The following ERGIC1 variants were observed in gnomAD, a reference collection of about 807,000 sequenced individuals.
ERGIC1 encodes endoplasmic reticulum-golgi intermediate compartment 1.
ERGIC1 carries 19 observed loss-of-function variants against 38.3 expected under a neutral mutation model. That is an observed-to-expected ratio of 0.50 (90% CI 0.35 to 0.73). The LOEUF (loss-of-function observed/expected upper bound fraction) is 0.73, where lower values mean the gene tolerates loss of function less well. ERGIC1 is among the 30% of genes least tolerant of loss of function. The pLI, the probability that ERGIC1 is intolerant of heterozygous loss-of-function variation, is 0.01. For synonymous variants in ERGIC1, 124 were observed against 157.6 expected, an observed-to-expected ratio of 0.79 and a Z score of 1.60; for missense variants, 294 against 389.2, an observed-to-expected ratio of 0.76 and a Z score of 2.06.
At chr5:172,919,426 C>T (rs919724762) in intron 5 of ERGIC1, among the ~76,000 whole-genome samples, 4 of 152,218 alleles carry the variant, frequency 2.6e-5, no homozygotes, top group Admixed American at 2.6e-4. Context: ...TGACAACCCA[C>T]GAGACAGCCC....
rs576670458 is a variant in ERGIC1, at chr5:172,858,789, G to A, written c.20+24356G>A. On this transcript the variant is annotated intron_variant, in intron 1 of 9. Transcript: ENST00000393784. ...GTCCACAGAAAGAAAACAGGGCTGG[G>A]AGCTTGTGAGGGCCCTGCCCAAGAT... 1.3e-4 allele frequency among the ~76,000 whole-genome samples: 20 copies of A among 152,366 alleles called. No individual in the cohort carries two copies. The South Asian group carries it at 3.9e-3, about 30-fold the overall frequency.
At chr5:172,864,646 A>G (rs1039161231) in intron 1 of ERGIC1, among the ~76,000 whole-genome samples, 9 of 151,916 alleles carry the variant, frequency 5.9e-5, no homozygotes, top group African/African-American at 1.7e-4. Flanking sequence ...GCTGGTTGCA[A>G]TCTACTACTT....
chr5:172,887,211 G>T (rs11740563), intron 1 of ERGIC1, among the ~76,000 whole-genome samples: 1 of 152,094 alleles, frequency 6.6e-6, no homozygotes, highest in African/African-American at 2.4e-5. Flanking sequence ...AAGAGGAACC[G>T]CACACCAGCC....
At chr5:172,841,549 T>C (rs1037753850) in intron 1 of ERGIC1, among the ~76,000 whole-genome samples, 3 of 152,210 alleles carry the variant, frequency 2.0e-5, no homozygotes, top group African/African-American at 7.2e-5. Flanking sequence ...GAAACCCTAT[T>C]CGAGATGAGA....
In ERGIC1 at chr5:172,908,311, G is replaced by GC. The variant is rs1368536476; in HGVS notation, c.156-1356_156-1355insC. The stretch of plus-strand genomic sequence containing the variant: ...TTGGGAGGCTGAGGCGGGGGCGGGG[G>GC]GGGGGGGAGAGAGGGGAGGGGGGGA... On this transcript the variant is annotated intron_variant, in intron 3 of 9. Transcript: ENST00000393784. Among the ~76,000 whole-genome samples, 4 of 31,708 alleles carry GC rather than the reference G, an allele frequency of 1.3e-4. 2 individuals carry two copies. The highest frequency in any genetic ancestry group is 2.5e-4 in the Non-Finnish European group (4 of 16,308). 20.8% of individuals were successfully genotyped at this position (31,708 alleles called of 152,430 possible).
At chr5:172,893,939 A>ATATATATATATATATATATATATATATG (rs1249616716) in intron 2 of ERGIC1, among the ~76,000 whole-genome samples, 1,334 of 35,716 alleles carry the variant, frequency 0.037, 88 homozygotes, top group Middle Eastern at 0.08. Flanking sequence ...GTGTGTGTAT[A>ATATATATATATATATATATATATATATG]TATATATATA....
intron 9 of ERGIC1, among the ~76,000 whole-genome samples, chr5:172,941,253 GAA>G (rs1325622183): frequency 7.7e-6 from 1 of 130,106 alleles, no homozygotes; most frequent in Non-Finnish European, 1.7e-5. Flanking sequence ...TCTCAAAAAA[GAA>G]AAAAAAAAAG....
At chr5:172,851,250 T>C (rs1014683905) in intron 1 of ERGIC1, among the ~76,000 whole-genome samples, 2 of 149,230 alleles carry the variant, frequency 1.3e-5, no homozygotes, top group East Asian at 2.0e-4. Flanking sequence ...GGCTCACATC[T>C]GTAAAGCCAG....
At chr5:172,901,688 C>T (rs1355454788) in intron 3 of ERGIC1, among the ~76,000 whole-genome samples, 1 of 152,094 alleles carries the variant, frequency 6.6e-6, no homozygotes, top group Non-Finnish European at 1.5e-5. Context: ...AATGTAGCCT[C>T]GACCTCCAGG....
intron 1 of ERGIC1, among the ~76,000 whole-genome samples, chr5:172,841,861 A>G (rs1437564159): frequency 6.6e-6 from 1 of 152,226 alleles, no homozygotes. Context: ...TTTTAAAGTT[A>G]GCATATGATA....
intron 9 of ERGIC1, among the ~76,000 whole-genome samples, chr5:172,948,442 C>T (rs960249795): frequency 1.3e-5 from 2 of 152,202 alleles, no homozygotes; most frequent in East Asian, 1.9e-4. Flanking sequence ...AGTAGCTGGC[C>T]GTCCACCTGT....
chr5:172,899,542 C>G (rs927106745), intron 3 of ERGIC1, among the ~76,000 whole-genome samples: 1 of 152,058 alleles, frequency 6.6e-6, no homozygotes, highest in Admixed American at 6.5e-5. Context: ...GTCTCGAACT[C>G]CTGACCTCAA....
At chr5:172,857,004 C>T (rs1031876987) in intron 1 of ERGIC1, among the ~76,000 whole-genome samples, 2 of 152,226 alleles carry the variant, frequency 1.3e-5, no homozygotes, top group Non-Finnish European at 2.9e-5. Flanking sequence ...AACCCCACAA[C>T]AAGAAATTCA....
chr5:172,896,899 C>A, intron 2 of ERGIC1, 103 bp from the exon 3 acceptor site: 1 of 1,095,864 alleles, frequency 9.1e-7, no homozygotes. Context: ...GGGCACAGCC[C>A]CACACCCTTG....
chr5:172,835,020 C>T (rs1002744452), intron 1 of ERGIC1, among the ~76,000 whole-genome samples: 3 of 152,250 alleles, frequency 2.0e-5, no homozygotes, highest in African/African-American at 7.2e-5. Context: ...GGGGAGGAGG[C>T]GCCTTGGGCA....
At chr5:172,914,428 T>C (rs35202051) in intron 4 of ERGIC1, 107,209 of 526,644 alleles carry the variant, frequency 0.2, 11,948 homozygotes, top group Non-Finnish European at 0.23. Flanking sequence ...AACTGAGGCA[T>C]CCAGAGGTTA....
intron 1 of ERGIC1, among the ~76,000 whole-genome samples, chr5:172,853,146 C>T (rs755492143): frequency 6.6e-6 from 1 of 152,208 alleles, no homozygotes; most frequent in South Asian, 2.1e-4. Flanking sequence ...TGGTTTACCA[C>T]GTGCTGTTGT....
chr5:172,891,043 C>T (rs1466931835), intron 2 of ERGIC1, among the ~76,000 whole-genome samples: 12 of 152,230 alleles, frequency 7.9e-5, no homozygotes, highest in Non-Finnish European at 1.6e-4. Context: ...CAAGTCACTC[C>T]CCTCTCTGAG....
intron 2 of ERGIC1, among the ~76,000 whole-genome samples, chr5:172,892,323 G>T (rs1452631234): frequency 6.6e-6 from 1 of 152,132 alleles, no homozygotes; most frequent in African/African-American, 2.4e-5. Context: ...TGTCCTTGAG[G>T]AGCACACGAC....
Sources: allele counts gnomAD v4.1 joint callset (sites outside exome capture counted in the v4.1 genomes callset), GRCh38; gene constraint gnomAD v4.1.1; transcripts MANE v1.5; gene names NCBI Gene and HGNC (gene_info 2026-07-23, HGNC 2026-07-21).